RSPH1: variants seen among roughly 807,000 people sequenced by gnomAD.
The protein encoded by RSPH1 is radial spoke head component 1.
In RSPH1, 32 loss-of-function variants were observed where a neutral mutation model predicts 44.2. That is an observed-to-expected ratio of 0.72 (90% CI 0.55 to 0.97). The LOEUF (loss-of-function observed/expected upper bound fraction) is 0.97, where lower values mean the gene tolerates loss of function less well. RSPH1 is among the 50% of genes least tolerant of loss of function. The pLI, the probability that RSPH1 is intolerant of heterozygous loss-of-function variation, is 0.00. For missense variants in RSPH1, 391 were observed against 398.7 expected (o/e 0.98, Z 0.16); for synonymous variants, 134 against 147.3 (o/e 0.91, Z 0.65).
chr21:42,477,319 T>C lies in RSPH1; in HGVS notation c.699A>G (p.Gly233=). The C allele has an allele frequency of 6.3e-7, 1 of 1,598,324 alleles. No individual in the cohort carries two copies. The highest frequency in any genetic ancestry group is 2.3e-5 in the East Asian group (1 of 43,654). The change falls in exon 7 of 9, where the codon GGA becomes GGG. Residue 233 remains glycine, a synonymous_variant. Transcript: ENST00000291536. ...CAGCTCCTGGAGCGTCTTGGCCAGG[T>C]CCATCCGTAGAGGTCGGCTTTTTGG... ...TLPKKPTSTD[G]PGQDAPGAES... is the part of the protein sequence containing the mutation.
At chr21:42,480,248 C>T (rs1326242966) in intron 6 of RSPH1, among the ~76,000 whole-genome samples, 1 of 152,186 alleles carries the variant, frequency 6.6e-6, no homozygotes. Context: ...GGAGCACGGA[C>T]AGTCACTTGA....
intron 3 of RSPH1, among the ~76,000 whole-genome samples, chr21:42,487,512 A>G (rs563638143): frequency 2.6e-5 from 4 of 152,372 alleles, no homozygotes; most frequent in Non-Finnish European, 5.9e-5. Flanking sequence ...TTCAAAGAGT[A>G]TTAGCTAACA....
chr21:42,479,726 TACACAC>T lies in RSPH1; in HGVS notation c.574-2288_574-2283del, dbSNP rs141751119. On this transcript the variant is annotated intron_variant, in intron 6 of 8. Coordinates refer to ENST00000291536, the MANE Select transcript of RSPH1 (RefSeq NM_080860.4). Reference sequence around the variant, plus strand: ...GCTTCTGACTATGTGTGTAGGAGGTTACACACACACACACACACACACACACACACA... The same window carrying T: ...GCTTCTGACTATGTGTGTAGGAGGTTACACACACACACACACACACACACA... Among the ~76,000 whole-genome samples the T allele has an allele frequency of 1.4e-3, 206 of 145,234 alleles. 3 individuals carry two copies. Among genetic ancestry groups the T allele is most frequent in the African/African-American group, 4.2e-3 (164 of 39,016 alleles).
At chr21:42,480,619 A>T (rs1235473730) in intron 6 of RSPH1, among the ~76,000 whole-genome samples, 1 of 147,464 alleles carries the variant, frequency 6.8e-6, no homozygotes, top group Non-Finnish European at 1.5e-5. Flanking sequence ...CAGCCTGGGC[A>T]ACAAGAGCGA....
intron 3 of RSPH1, among the ~76,000 whole-genome samples, 156 bp from the exon 4 acceptor site, chr21:42,486,617 GAA>G (rs2054183635): frequency 6.6e-6 from 1 of 152,226 alleles, no homozygotes; most frequent in South Asian, 2.1e-4. Context: ...AAATCCTGCA[GAA>G]GAGAGATTTT....
intron 3 of RSPH1, among the ~76,000 whole-genome samples, chr21:42,490,642 T>C (rs570439678): frequency 5.9e-5 from 9 of 152,332 alleles, no homozygotes; most frequent in African/African-American, 2.2e-4. Context: ...TAGTGTGGCA[T>C]AATAAGAAAT....
At position 42,472,625 on chromosome 21, in the gene RSPH1, A is replaced by G; in HGVS notation, c.*193T>C. 1 of 443,366 alleles carries G rather than the reference A, an allele frequency of 2.3e-6. No individual in the cohort carries two copies. The highest frequency in any genetic ancestry group is 4.0e-6 in the Non-Finnish European group (1 of 249,298). The allele number at this position is 443,366 out of a possible 1,614,324, so 27.5% of individuals were successfully genotyped here. A position where few individuals can be genotyped will look rare whatever the true frequency, so the allele number is the denominator to read the frequency against. On this transcript the variant is annotated 3_prime_UTR_variant, in exon 9 of 9. Coordinates refer to ENST00000291536, the MANE Select transcript of RSPH1 (RefSeq NM_080860.4). The stretch of plus-strand genomic sequence containing the variant: ...ATTTTGTTTTTGTTTATTTTTTGAG[A>G]CAGGGTCTCGCTCTGCCACCCAGGC...
chr21:42,494,136 C>T (rs1281379010), intron 1 of RSPH1, among the ~76,000 whole-genome samples: 1 of 152,092 alleles, frequency 6.6e-6, no homozygotes, highest in Admixed American at 6.5e-5. Context: ...TTCCTTAGCA[C>T]CTAATACATG....
intron 3 of RSPH1, among the ~76,000 whole-genome samples, chr21:42,489,144 G>C (rs1410995608): frequency 1.3e-5 from 2 of 151,920 alleles, no homozygotes; most frequent in Non-Finnish European, 2.9e-5. Flanking sequence ...TGGTTGGCTA[G>C]TCAGTTGGCT....
At chr21:42,473,705 C>T (rs1397601580) in intron 8 of RSPH1, among the ~76,000 whole-genome samples, 4 of 152,098 alleles carry the variant, frequency 2.6e-5, no homozygotes, top group Non-Finnish European at 5.9e-5. Flanking sequence ...GATAAATGTT[C>T]TGCCGACTAA....
At chr21:42,488,118 C>A (rs1214722100) in intron 3 of RSPH1, among the ~76,000 whole-genome samples, 1 of 152,126 alleles carries the variant, frequency 6.6e-6, no homozygotes, top group Non-Finnish European at 1.5e-5. Context: ...CAACTGCTAA[C>A]AATTAAGGAA....
chr21:42,485,047 G>C (rs974534516), intron 5 of RSPH1: 2 of 152,162 alleles, frequency 1.3e-5, no homozygotes, highest in African/African-American at 2.4e-5. Flanking sequence ...TACCACGATG[G>C]CCTGAGTATT....
chr21:42,495,755 T>G (rs538054151), intron 1 of RSPH1, among the ~76,000 whole-genome samples: 2 of 152,148 alleles, frequency 1.3e-5, no homozygotes, highest in South Asian at 4.2e-4. Flanking sequence ...GCTACAGAAA[T>G]GACTTATTCA....
chr21:42,489,264 G>T (rs1287279665), intron 3 of RSPH1, among the ~76,000 whole-genome samples: 2 of 151,816 alleles, frequency 1.3e-5, no homozygotes, highest in Non-Finnish European at 2.9e-5. Flanking sequence ...TGGCTGGTTG[G>T]CTGGTTGGTT....
intron 6 of RSPH1, among the ~76,000 whole-genome samples, chr21:42,481,017 G>C (rs1253799074): frequency 6.6e-6 from 1 of 152,190 alleles, no homozygotes; most frequent in East Asian, 1.9e-4. Flanking sequence ...GGCTCAGGTT[G>C]TGACATAGTT....
At chr21:42,485,540 C>G in intron 5 of RSPH1, 129 bp downstream of exon 5, 1 of 1,040,838 alleles carries the variant, frequency 9.6e-7, no homozygotes, top group South Asian at 1.5e-5. Flanking sequence ...CTGTCCTGTT[C>G]TCCACATTTG....
intron 8 of RSPH1, among the ~76,000 whole-genome samples, chr21:42,473,216 C>T (rs759461961): frequency 7.2e-5 from 11 of 152,296 alleles, no homozygotes; most frequent in South Asian, 4.1e-4. Flanking sequence ...GCAGGCCGGG[C>T]GCAGTGGCTC....
rs1160164139 is a variant in RSPH1 at position 42,477,065 on chromosome 21, TCCAC to T, written c.727+222_727+225del. Among the ~76,000 whole-genome samples, 34 of 112,940 alleles carry T rather than the reference TCCAC, an allele frequency of 3.0e-4. 1 individual carries two copies. Among genetic ancestry groups the T allele is most frequent in the South Asian group, 6.1e-4 (2 of 3,286 alleles). 74.1% of individuals were successfully genotyped at this position (112,940 alleles called of 152,430 possible). ...GGGGTGCCCCACACCCTCTGCCCCC[TCCAC>T]CCCACAGCCCGGGGATGCCCCACAC... is the stretch of plus-strand genomic sequence containing the variant. On this transcript the variant is annotated intron_variant, in intron 7 of 8. Transcript: ENST00000291536.
At chr21:42,488,522 C>T (rs188985727) in intron 3 of RSPH1, among the ~76,000 whole-genome samples, 54 of 152,282 alleles carry the variant, frequency 3.5e-4, no homozygotes, top group African/African-American at 1.3e-3. Flanking sequence ...TATTACATCC[C>T]TCCTCTCTTG....
Sources: gnomAD v4.1 joint callset for allele counts (sites outside exome capture counted in the v4.1 genomes callset) on GRCh38, gnomAD v4.1.1 for gene constraint, MANE v1.5 for transcripts, NCBI Gene and HGNC (gene_info 2026-07-23, HGNC 2026-07-21) for gene names.